The following EDA variants were observed in gnomAD, a reference collection of about 807,000 sequenced individuals.
EDA encodes the protein ectodysplasin-A.
A neutral mutation model predicts 23.6 loss-of-function variants in EDA; 2 were observed. The observed-to-expected ratio is 0.08, with a 90% CI of 0.03 to 0.27. EDA has a LOEUF of 0.27. EDA is among the 10% of genes least tolerant of loss of function. The pLI, the probability that EDA is intolerant of heterozygous loss-of-function variation, is 1.00. For synonymous variants in EDA, 131 were observed against 132.0 expected, an observed-to-expected ratio of 0.99 and a Z score of 0.05; for missense variants, 229 against 324.2, an observed-to-expected ratio of 0.71 and a Z score of 2.26.
intron 1 of EDA, among the ~76,000 whole-genome samples, chrX:69,858,420 G>T (rs951464326): frequency 9.0e-6 from 1 of 111,499 alleles, no homozygotes; most frequent in African/African-American, 3.3e-5. Context: ...AGTTTATTGA[G>T]TTTTTTTAAA....
At chrX:69,707,959 A>G (rs2011800315) in intron 1 of EDA, among the ~76,000 whole-genome samples, 1 of 111,441 alleles carries the variant, frequency 9.0e-6, no homozygotes, top group African/African-American at 3.3e-5. Context: ...AAATTTGTGG[A>G]GCCCAGAATC....
At position 70,037,767 on chromosome X, in the gene EDA, C is replaced by G. The variant is rs1406013389; in HGVS notation, c.*2158C>G. On this transcript the variant is annotated 3_prime_UTR_variant, in exon 8 of 8. Coordinates refer to ENST00000374552, the MANE Select transcript of EDA (RefSeq NM_001399.5). ...TCCTCGATGGTAATACCCGTCCTCTCGGCTGCCAGGGGCTCTGTGGCAAAA... is the reference window on the plus strand; with the variant it reads ...TCCTCGATGGTAATACCCGTCCTCTGGGCTGCCAGGGGCTCTGTGGCAAAA... 8.9e-6 allele frequency: 1 copy of G among 112,008 alleles called. No individual in the cohort carries two copies. The highest frequency in any genetic ancestry group is 9.4e-5 in the Admixed American group (1 of 10,606). 9.2% of individuals were successfully genotyped at this position (112,008 alleles called of 1,213,427 possible).
intron 4 of EDA, among the ~76,000 whole-genome samples, chrX:70,028,557 C>T (rs2020152652): frequency 8.9e-6 from 1 of 112,463 alleles, no homozygotes; most frequent in Non-Finnish European, 1.9e-5. Context: ...CACTAATGGT[C>T]AAGAAGTTAG....
chrX:70,005,277 T>C (rs1377703702), intron 2 of EDA, among the ~76,000 whole-genome samples: 7 of 112,324 alleles, frequency 6.2e-5, no homozygotes, highest in Non-Finnish European at 1.1e-4. Context: ...TTTGAAACTA[T>C]TATCGTTAAT....
intron 1 of EDA, among the ~76,000 whole-genome samples, chrX:69,839,421 C>A (rs761625154): frequency 5.3e-4 from 59 of 112,268 alleles, no homozygotes; most frequent in Non-Finnish European, 7.1e-4. Flanking sequence ...CCTACATGAA[C>A]ATTTTGTCAC....
At chrX:69,649,090 T>G (rs374559791) in intron 1 of EDA, among the ~76,000 whole-genome samples, 8 of 111,981 alleles carry the variant, frequency 7.1e-5, no homozygotes, top group African/African-American at 2.6e-4. Context: ...GTTTGCCTAG[T>G]CAGTCCCAAT....
intron 1 of EDA, among the ~76,000 whole-genome samples, chrX:69,871,283 A>G (rs1411890708): frequency 9.0e-6 from 1 of 111,662 alleles, no homozygotes; most frequent in Non-Finnish European, 1.9e-5. Context: ...CCTGGTACTA[A>G]AATCTGTATT....
At chrX:70,007,419 C>T (rs1401631730) in intron 2 of EDA, among the ~76,000 whole-genome samples, 1 of 111,214 alleles carries the variant, frequency 9.0e-6, no homozygotes, top group Non-Finnish European at 1.9e-5. Context: ...TCTGGTGATG[C>T]TGAGTGAGTT....
intron 2 of EDA, among the ~76,000 whole-genome samples, chrX:70,012,594 G>A (rs1001350887): frequency 6.2e-5 from 7 of 112,807 alleles, no homozygotes; most frequent in Non-Finnish European, 1.1e-4. Context: ...ATGTGATACT[G>A]TCTAATGACA....
intron 1 of EDA, chrX:69,729,148 T>C (rs893392691): frequency 6.3e-5 from 7 of 111,340 alleles, no homozygotes; most frequent in African/African-American, 2.3e-4. Context: ...TTTAGCTCCA[T>C]GTTTCTTTTT....
chrX:69,882,091 T>A (rs1000616098), intron 1 of EDA, among the ~76,000 whole-genome samples: 1 of 111,738 alleles, frequency 8.9e-6, no homozygotes, highest in African/African-American at 3.3e-5. Context: ...GAGGATCTTT[T>A]TCTTTGGGAT....
chrX:69,682,717 T>C (rs975248822), intron 1 of EDA, among the ~76,000 whole-genome samples: 5 of 111,186 alleles, frequency 4.5e-5, no homozygotes, highest in African/African-American at 1.6e-4. Flanking sequence ...CTATGCCCAC[T>C]GTCTGGCACT....
At chrX:69,736,891 C>A (rs1461381777) in intron 1 of EDA, among the ~76,000 whole-genome samples, 1 of 108,152 alleles carries the variant, frequency 9.2e-6, no homozygotes, top group African/African-American at 3.4e-5. Flanking sequence ...CCTGCCTCAG[C>A]CTCCTGAGTA....
rs1389348375 is a variant in EDA, at chrX:70,037,251, C to T, written c.*1642C>T. On this transcript the variant is annotated 3_prime_UTR_variant, in exon 8 of 8. Coordinates refer to ENST00000374552, the MANE Select transcript of EDA (RefSeq NM_001399.5). Reference sequence around the variant, plus strand: ...AGCGGGTACTTATTTCTCAGCTGTGCCTTCCCTTTCTAAGCAACCACACTG... The same window carrying T: ...AGCGGGTACTTATTTCTCAGCTGTGTCTTCCCTTTCTAAGCAACCACACTG... The T allele has an allele frequency of 8.9e-6, 1 of 111,796 alleles. No homozygotes were observed. Among genetic ancestry groups the T allele is most frequent in the East Asian group, 2.8e-4 (1 of 3,543 alleles). 9.2% of individuals were successfully genotyped at this position (111,796 alleles called of 1,213,427 possible). A position where few individuals can be genotyped will look rare whatever the true frequency, so the allele number is the denominator to read the frequency against.
intron 1 of EDA, among the ~76,000 whole-genome samples, chrX:69,753,871 G>A (rs1351752688): frequency 1.2e-4 from 12 of 100,420 alleles, no homozygotes; most frequent in Non-Finnish European, 2.4e-4. Flanking sequence ...TTTAAAGTCT[G>A]TTTTATCAGA....
At chrX:69,801,335 C>CTT (rs1163767734) in intron 1 of EDA, among the ~76,000 whole-genome samples, 1 of 103,579 alleles carries the variant, frequency 9.7e-6, no homozygotes, top group Non-Finnish European at 2.0e-5. Context: ...CACATGCCAT[C>CTT]TTTTTTTTTT....
At chrX:69,966,553 G>A (rs186055264) in intron 2 of EDA, among the ~76,000 whole-genome samples, 8 of 94,339 alleles carry the variant, frequency 8.5e-5, no homozygotes, top group Admixed American at 2.5e-4. Context: ...CAGCCTGGGC[G>A]AAAGAGTGAG....
In EDA at chrX:69,871,048, C is replaced by T. The variant is rs935663327; in HGVS notation, c.397-85979C>T. Reference sequence around the variant, plus strand: ...TGGTCAAAGGTATTATGTATAGAGTCATTGAGCTCCTTGCCTCTCATGAGT... The same window carrying T: ...TGGTCAAAGGTATTATGTATAGAGTTATTGAGCTCCTTGCCTCTCATGAGT... On this transcript the variant is annotated intron_variant, in intron 1 of 7. Coordinates refer to ENST00000374552, the MANE Select transcript of EDA (RefSeq NM_001399.5). Among the ~76,000 whole-genome samples the T allele has an allele frequency of 5.4e-5, 6 of 111,748 alleles. No individual in the cohort carries two copies. The Admixed American group carries it at 5.7e-4, about 11-fold the overall frequency.
intron 1 of EDA, among the ~76,000 whole-genome samples, chrX:69,788,171 A>G (rs1489015864): frequency 2.7e-5 from 3 of 111,020 alleles, no homozygotes; most frequent in East Asian, 2.8e-4. Context: ...CTCTGTATTG[A>G]TTATTCTAGT....
Sources: allele counts gnomAD v4.1 joint callset (sites outside exome capture counted in the v4.1 genomes callset), GRCh38; gene constraint gnomAD v4.1.1; transcripts MANE v1.5; gene names NCBI Gene and HGNC (gene_info 2026-07-23, HGNC 2026-07-21).